Variants in TMC5 observed in about 807,000 individuals in gnomAD.
TMC5 encodes the protein transmembrane channel like 5.
In TMC5, 86 loss-of-function variants were observed where a neutral mutation model predicts 110.5. The ratio of observed to expected loss-of-function variants is 0.78; its 90% confidence interval spans 0.65 to 0.93. TMC5 has a LOEUF of 0.93. TMC5 is among the 40% of genes least tolerant of loss of function. TMC5 has a pLI of 0.00. For missense variants in TMC5, 1,144 were observed against 1,222.8 expected (o/e 0.94, Z 0.96); for synonymous variants, 455 against 439.5 (o/e 1.04, Z -0.44).
At chr16:19,451,800 T>TTTTTA (rs759810239) in intron 5 of TMC5, among the ~76,000 whole-genome samples, 10,675 of 151,968 alleles carry the variant, frequency 0.07, 765 homozygotes, top group African/African-American at 0.19. Flanking sequence ...ACTTTTTCTT[T>TTTTTA]TTATTATTAT....
chr16:19,442,954 C>G (rs752203774), intron 3 of TMC5, among the ~76,000 whole-genome samples: 2 of 152,190 alleles, frequency 1.3e-5, no homozygotes, highest in Non-Finnish European at 2.9e-5. Flanking sequence ...TTTCATCGTC[C>G]ATGGGTCCCC....
chr16:19,480,694 A>G (rs959062589), intron 14 of TMC5, among the ~76,000 whole-genome samples: 3 of 151,182 alleles, frequency 2.0e-5, no homozygotes, highest in African/African-American at 7.3e-5. Flanking sequence ...AATCCCAACT[A>G]CTTGGGAGGC....
rs1968075369 is a variant in TMC5, at chr16:19,463,281, A to T, written c.1150A>T (p.Lys384Ter). 2 of 1,612,140 alleles carry T rather than the reference A, an allele frequency of 1.2e-6. No homozygotes were observed. The highest frequency in any genetic ancestry group is 4.5e-5 in the East Asian group (2 of 44,866). ...ATTTTCTCTTGCTGTTCCCTACAGG[A>T]AAATAGTTGACAAAGAAAAAAGCAA... ...RTMEEKRNLRKIVDKEKSKQT... is the reference protein window; with the variant it reads ...RTMEEKRNLR Residue 384 changes from lysine (K) to a stop codon, truncating the protein, a stop_gained and splice_region_variant, in exon 7 of 22, where the codon AAA becomes TAA. Coordinates refer to ENST00000542583, the MANE Select transcript of TMC5 (RefSeq NM_001261841.2). LOFTEE classifies it high-confidence loss of function.
intron 2 of TMC5, among the ~76,000 whole-genome samples, chr16:19,435,709 C>G (rs1013262270): frequency 1.3e-5 from 2 of 152,158 alleles, no homozygotes; most frequent in Non-Finnish European, 2.9e-5. Context: ...AAGGTAGCCA[C>G]TATTTTGACT....
chr16:19,485,582 G>A (rs965694750), intron 15 of TMC5, among the ~76,000 whole-genome samples: 34 of 152,296 alleles, frequency 2.2e-4, no homozygotes, highest in African/African-American at 7.9e-4. Context: ...ACAGGCATGA[G>A]CCACCACGCC....
chr16:19,474,319 G>A (rs1597205872), intron 12 of TMC5, 43 bp downstream of exon 12: 2 of 1,592,348 alleles, frequency 1.3e-6, no homozygotes, highest in Non-Finnish European at 8.6e-7. Flanking sequence ...TATTTCCACA[G>A]AGAGAAGTGG....
At chr16:19,431,011 A>G (rs1461518108) in intron 2 of TMC5, among the ~76,000 whole-genome samples, 1 of 152,100 alleles carries the variant, frequency 6.6e-6, no homozygotes, top group Non-Finnish European at 1.5e-5. Flanking sequence ...GGCACGCGCC[A>G]CAACAAAAAC....
At chr16:19,497,303 G>A (rs1041849665) in intron 21 of TMC5, 140 bp downstream of exon 21, 6 of 887,594 alleles carry the variant, frequency 6.8e-6, no homozygotes, top group African/African-American at 1.7e-5. Context: ...AAAATTCCAA[G>A]AATAATTCTT....
intron 6 of TMC5, chr16:19,462,682 C>G (rs1309644827): frequency 1.8e-6 from 1 of 564,166 alleles, no homozygotes; most frequent in South Asian, 2.0e-5. Flanking sequence ...GGTGGATCAC[C>G]TGAGGTCAGG....
In TMC5 at chr16:19,474,261, A is replaced by G; in HGVS notation, c.2075A>G (p.Tyr692Cys). 6.2e-7 allele frequency: 1 copy of G among 1,614,034 alleles called. No homozygotes were observed. The highest frequency in any genetic ancestry group is 1.1e-5 in the South Asian group (1 of 91,050). The change falls in exon 12 of 22, where the codon TAC (tyrosine) becomes TGC (cysteine). Residue 692 changes from tyrosine to cysteine, a missense_variant. By Grantham distance (194) the Tyr-to-Cys change is radical. Transcript: ENST00000542583. Reference protein sequence around the residue: ...ERYEMPRHEVYVLLIRNIFLK... With the variant: ...ERYEMPRHEVCVLLIRNIFLK... ...TACGAGATGCCACGGCACGAAGTCT[A>G]CGTTCTCCTGATCCGGTAGGTGATG...
rs374091052 is a variant in TMC5 at position 19,469,708 on chromosome 16, C to A, written c.1665C>A (p.Phe555Leu). 2.0e-5 allele frequency: 32 copies of A among 1,614,144 alleles called. No homozygotes were observed. The East Asian group carries it at 4.2e-4, about 21-fold the overall frequency. The change falls in exon 10 of 22, where the codon TTC becomes TTA. Residue 555 changes from phenylalanine (F) to leucine (L), a missense_variant. Coordinates refer to ENST00000542583, the MANE Select transcript of TMC5 (RefSeq NM_001261841.2). ...FSMAKYFRNN[F>L]INPHIYSGGI... ...TGGCCAAGTATTTCCGGAACAACTT[C>A]ATTAATCCCCACATTTACTCCGGAG...
At chr16:19,484,277 T>C (rs144288813) in intron 15 of TMC5, among the ~76,000 whole-genome samples, 1 of 152,292 alleles carries the variant, frequency 6.6e-6, no homozygotes, top group East Asian at 1.9e-4. Context: ...TTAGAGACAG[T>C]GAGGACCTTT....
intron 17 of TMC5, among the ~76,000 whole-genome samples, chr16:19,487,560 A>G (rs1968778498): frequency 6.6e-6 from 1 of 151,790 alleles, no homozygotes; most frequent in South Asian, 2.1e-4. Flanking sequence ...AAATTAGCCA[A>G]GTGTGGTGGT....
Position 19,473,345 on chromosome 16 carries a change from C to CAA in TMC5, c.1939-745_1939-744dup, listed in dbSNP as rs35872301. On this transcript the variant is annotated intron_variant, in intron 11 of 21. Transcript: ENST00000542583. ...TGGGCAACAGAGCGAGACTCCGGCT[C>CAA]AAAAAAAAAAAAAAAAAAAAAAAAA... Among the ~76,000 whole-genome samples the CAA allele has an allele frequency of 5.9e-3, 120 of 20,238 alleles. 43 individuals are homozygous for CAA. The highest frequency in any genetic ancestry group is 0.011 in the Non-Finnish European group (83 of 7,748). 13.3% of individuals were successfully genotyped at this position (20,238 alleles called of 152,430 possible). A position where few individuals can be genotyped will look rare whatever the true frequency, so the allele number is the denominator to read the frequency against.
At chr16:19,494,104 T>G (rs1422768809) in intron 19 of TMC5, among the ~76,000 whole-genome samples, 158 bp from the exon 20 acceptor site, 2 of 152,148 alleles carry the variant, frequency 1.3e-5, no homozygotes, top group South Asian at 4.1e-4. Context: ...GTGAAATGTT[T>G]CTTTTCTTTC....
intron 12 of TMC5, among the ~76,000 whole-genome samples, chr16:19,475,282 C>T (rs1020380007): frequency 6.6e-6 from 1 of 152,028 alleles, no homozygotes; most frequent in African/African-American, 2.4e-5. Flanking sequence ...ATTAGCTGGG[C>T]TTGGTGACGC....
At chr16:19,471,606 A>G (rs533188525) in intron 10 of TMC5, among the ~76,000 whole-genome samples, 1 of 152,236 alleles carries the variant, frequency 6.6e-6, no homozygotes, top group Admixed American at 6.5e-5. Context: ...CCCATAATCC[A>G]TGTTCATCAT....
chr16:19,457,718 T>C (rs112988017), intron 5 of TMC5, among the ~76,000 whole-genome samples: 84 of 73,392 alleles, frequency 1.1e-3, no homozygotes, highest in East Asian at 7.8e-3. Context: ...TCTTTTTTTT[T>C]TTTTTTTTTT....
chr16:19,455,470 A>T (rs868867574), intron 5 of TMC5, among the ~76,000 whole-genome samples: 28 of 152,180 alleles, frequency 1.8e-4, no homozygotes, highest in Admixed American at 1.8e-3. Context: ...AACAAGAAGC[A>T]TGGAGGGAGG....
Sources: allele counts gnomAD v4.1 joint callset (sites outside exome capture counted in the v4.1 genomes callset), GRCh38; gene constraint gnomAD v4.1.1; transcripts MANE v1.5; gene names NCBI Gene and HGNC (gene_info 2026-07-23, HGNC 2026-07-21).